The following C8B variants were observed in gnomAD, a reference collection of about 807,000 sequenced individuals.
C8B encodes complement C8 beta chain.
C8B carries 67 observed loss-of-function variants against 64.6 expected under a neutral mutation model. That is an observed-to-expected ratio of 1.04 (90% CI 0.85 to 1.27). The LOEUF (loss-of-function observed/expected upper bound fraction) is 1.27. C8B is among the 50% of genes most tolerant of loss of function. The probability of loss-of-function intolerance (pLI) is 0.00; values close to 1 mark genes in which losing one functional copy is unlikely to be tolerated. For synonymous variants in C8B, 284 were observed against 257.7 expected (o/e 1.10, Z -0.98); for missense variants, 790 against 725.2 (o/e 1.09, Z -1.03).
At chr1:56,956,253 G>C (rs1645101569) in intron 3 of C8B, among the ~76,000 whole-genome samples, 1 of 152,128 alleles carries the variant, frequency 6.6e-6, no homozygotes, top group Non-Finnish European at 1.5e-5. Flanking sequence ...GAGAGCTAAG[G>C]GAGCCAACAG....
In C8B at chr1:56,942,776, G is replaced by A. The variant is rs572910856; in HGVS notation, c.1234+920C>T. Among the ~76,000 whole-genome samples, 22 of 152,008 alleles carry A rather than the reference G, an allele frequency of 1.4e-4. No individual in the cohort carries two copies. The South Asian group carries it at 4.6e-3, about 32-fold the overall frequency. Reference sequence around the variant, plus strand: ...AACACCTGAGCAGCATTAAAAAGTAGGGGGGCGTCTCTGCCAGGCATGGTG... The same window carrying A: ...AACACCTGAGCAGCATTAAAAAGTAAGGGGGCGTCTCTGCCAGGCATGGTG... On this transcript the variant is annotated intron_variant, in intron 8 of 11. Transcript: ENST00000371237.
At chr1:56,932,021 G>A (rs1644709709) in intron 10 of C8B, 143 bp from the exon 11 acceptor site, 1 of 673,424 alleles carries the variant, frequency 1.5e-6, no homozygotes, top group Non-Finnish European at 2.7e-6. Context: ...GCAGGTTCAG[G>A]GCCAGGAATA....
chr1:56,949,247 T>C (rs571388619), intron 6 of C8B, among the ~76,000 whole-genome samples: 1 of 152,324 alleles, frequency 6.6e-6, no homozygotes, highest in Admixed American at 6.5e-5. Context: ...AATAGATTAA[T>C]GCTGTTGTTT....
chr1:56,954,636 C>T, intron 4 of C8B, 50 bp downstream of exon 4: 1 of 1,611,024 alleles, frequency 6.2e-7, no homozygotes, highest in Admixed American at 1.7e-5. Flanking sequence ...GCCAGAATTC[C>T]ATTTAATGCT....
At chr1:56,946,555 A>G (rs1644945102) in intron 6 of C8B, among the ~76,000 whole-genome samples, 1 of 152,226 alleles carries the variant, frequency 6.6e-6, no homozygotes, top group Non-Finnish European at 1.5e-5. Flanking sequence ...ATAAAGTTTT[A>G]TTGGAACACA....
rs1645150674 is a variant in C8B, at chr1:56,959,752, T to G, written c.249+268A>C. The stretch of plus-strand genomic sequence containing the variant: ...GCTTCCCCTGTTTCATGATGAAAGA[T>G]TGATTGAAAGAACAGGTTCAAGGCA... On this transcript the variant is annotated intron_variant, in intron 2 of 11. Transcript: ENST00000371237. 27 of 826,892 alleles carry G rather than the reference T, an allele frequency of 3.3e-5. 1 individual carries two copies. In the South Asian group the frequency reaches 4.4e-4, roughly 13 times the overall value. 51.2% of individuals were successfully genotyped at this position (826,892 alleles called of 1,614,324 possible).
rs766470995 is a variant in C8B at position 56,931,655 on chromosome 1, A to G, written c.1621+155T>C. Reference sequence around the variant, plus strand: ...ATAACAATCAATCCATCAGTTATTAAATGATGGAGATGGAATTTCAATCCA... The same window carrying G: ...ATAACAATCAATCCATCAGTTATTAGATGATGGAGATGGAATTTCAATCCA... On this transcript the variant is annotated intron_variant, in intron 11 of 11. Transcript: ENST00000371237. 32 of 652,304 alleles carry G rather than the reference A, an allele frequency of 4.9e-5. 1 individual carries two copies. Among genetic ancestry groups the G allele is most frequent in the South Asian group, 4.8e-4 (31 of 64,060 alleles). The allele number at this position is 652,304 out of a possible 1,614,324, so 40.4% of individuals were successfully genotyped here.
chr1:56,948,187 A>C (rs1454053922), intron 6 of C8B, among the ~76,000 whole-genome samples: 1 of 152,188 alleles, frequency 6.6e-6, no homozygotes, highest in Non-Finnish European at 1.5e-5. Context: ...AATAGGAAGC[A>C]GATGATATGA....
intron 1 of C8B, chr1:56,964,102 G>T: frequency 1.8e-6 from 1 of 562,876 alleles, no homozygotes; most frequent in Non-Finnish European, 2.3e-6. Context: ...ATCTTTTCTT[G>T]TCACTGAGGA....
chr1:56,931,742 G>T (rs1644703997), intron 11 of C8B, 68 bp downstream of exon 11: 5 of 1,080,722 alleles, frequency 4.6e-6, no homozygotes, highest in Non-Finnish European at 7.1e-6. Context: ...CTCCACACCA[G>T]CTCCTTGCTC....
chr1:56,938,945 G>A (rs536617767), intron 9 of C8B, among the ~76,000 whole-genome samples: 34 of 151,982 alleles, frequency 2.2e-4, no homozygotes, highest in Non-Finnish European at 4.3e-4. Context: ...TTCCAACTCA[G>A]GGTGGGAAGG....
chr1:56,940,863 T>C lies in C8B; in HGVS notation c.1384A>G (p.Ile462Val). 1 of 1,614,088 alleles carries C rather than the reference T, an allele frequency of 6.2e-7. No individual in the cohort carries two copies. Among genetic ancestry groups the C allele is most frequent in the South Asian group, 1.1e-5 (1 of 91,078 alleles). ...GCGTTGTGTACCTTAACTTTGATGATGGCTGGGTTGTACTGCACAGCGTCT... is the reference window on the plus strand; with the variant it reads ...GCGTTGTGTACCTTAACTTTGATGACGGCTGGGTTGTACTGCACAGCGTCT... ...WGDAVQYNPAIIKVKVEPLYE... is the reference protein window; with the variant it reads ...WGDAVQYNPAVIKVKVEPLYE... The change falls in exon 9 of 12, where the codon ATC becomes GTC. Residue 462 changes from isoleucine (I) to valine (V), a missense_variant. Physicochemically the swap from Ile to Val is conservative, Grantham distance 29. Coordinates refer to ENST00000371237, the MANE Select transcript of C8B (RefSeq NM_000066.4).
intron 10 of C8B, among the ~76,000 whole-genome samples, chr1:56,932,422 T>C (rs1644714896): frequency 6.6e-6 from 1 of 152,194 alleles, no homozygotes; most frequent in African/African-American, 2.4e-5. Flanking sequence ...CATCCCAGTC[T>C]CTGGCTCCAT....
chr1:56,943,744 G>C lies in C8B; in HGVS notation c.1186C>G (p.Leu396Val). 9.9e-6 allele frequency: 16 copies of C among 1,614,108 alleles called. No homozygotes were observed. Among genetic ancestry groups the C allele is most frequent in the Non-Finnish European group, 1.4e-5 (16 of 1,179,990 alleles). Residue 396 changes from leucine to valine, a missense_variant, in exon 8 of 12, where the codon CTG (leucine) becomes GTG (valine). Transcript: ENST00000371237. ...CTGCATTTGCCTACAGACACACCCAGACTGACGTAGACCTCTTCAATGGCA... is the reference window on the plus strand; with the variant it reads ...CTGCATTTGCCTACAGACACACCCACACTGACGTAGACCTCTTCAATGGCA... ...GGAIEEVYVS[L>V]GVSVGKCRGI... is the part of the protein sequence containing the mutation.
At chr1:56,940,269 T>G (rs900215403) in intron 9 of C8B, among the ~76,000 whole-genome samples, 13 of 152,010 alleles carry the variant, frequency 8.6e-5, no homozygotes, top group African/African-American at 2.9e-4. Context: ...TTCTTTTATT[T>G]CACTAGAGAG....
chr1:56,941,520 A>AGAT (rs1553180492), intron 8 of C8B, among the ~76,000 whole-genome samples: 2 of 130,158 alleles, frequency 1.5e-5, no homozygotes, highest in Admixed American at 1.4e-4. Context: ...ATAGATAGAT[A>AGAT]GATAGATAGA....
At chr1:56,962,045 C>A (rs1645187021) in intron 1 of C8B, among the ~76,000 whole-genome samples, 2 of 152,144 alleles carry the variant, frequency 1.3e-5, no homozygotes. Context: ...ATTTCAACTA[C>A]AAAACTGTTA....
chr1:56,961,680 C>T (rs1443992065), intron 1 of C8B, among the ~76,000 whole-genome samples: 2 of 152,288 alleles, frequency 1.3e-5, no homozygotes, highest in East Asian at 3.9e-4. Context: ...TTCACCATCT[C>T]ATATACACAG....
In C8B at chr1:56,931,857, C is replaced by G; in HGVS notation, c.1574G>C (p.Cys525Ser). Residue 525 changes from cysteine (C) to serine (S), a missense_variant, in exon 11 of 12, where the codon TGT (cysteine) becomes TCT (serine). Coordinates refer to ENST00000371237, the MANE Select transcript of C8B (RefSeq NM_000066.4). ...VLKGSRCDCI[C>S]PVGSQGLACE... ...GGCTAGGCCTTGGGATCCAACAGGA[C>G]AGATGCAGTCACAGCGTGATCCTGA... The G allele has an allele frequency of 6.2e-7, 1 of 1,612,334 alleles. No individual in the cohort carries two copies. Among genetic ancestry groups the G allele is most frequent in the Non-Finnish European group, 8.5e-7 (1 of 1,179,094 alleles).
Sources: allele counts gnomAD v4.1 joint callset (sites outside exome capture counted in the v4.1 genomes callset), GRCh38; gene constraint gnomAD v4.1.1; transcripts MANE v1.5; gene names NCBI Gene and HGNC (gene_info 2026-07-23, HGNC 2026-07-21).